The following SCHIP1 variants were observed in gnomAD, a reference collection of about 807,000 sequenced individuals.
SCHIP1 encodes the protein schwannomin-interacting protein 1.
SCHIP1 carries 8 observed loss-of-function variants against 29.7 expected under a neutral mutation model. The ratio of observed to expected loss-of-function variants is 0.27; its 90% CI spans 0.16 to 0.49. The LOEUF is 0.49. Among genes scored for constraint, SCHIP1 ranks in the 20% least tolerant of loss-of-function variants. The pLI, the probability that SCHIP1 is intolerant of heterozygous loss-of-function variation, is 0.99. For missense variants in SCHIP1, 193 were observed against 294.6 expected, an observed-to-expected ratio of 0.66 and a Z score of 2.52; for synonymous variants, 76 against 94.9, an observed-to-expected ratio of 0.80 and a Z score of 1.16.
chr3:159,651,265 T>C, the SCHIP1 span, among the ~76,000 whole-genome samples: 2 of 152,236 alleles, frequency 1.3e-5, no homozygotes, highest in African/African-American at 4.8e-5. Flanking sequence ...ATAGATACTT[T>C]GCTTTTGCTT....
At chr3:159,560,179 TCTTC>T in the SCHIP1 span, among the ~76,000 whole-genome samples, 1 of 152,198 alleles carries the variant, frequency 6.6e-6, no homozygotes. Flanking sequence ...GGCCAATTAT[TCTTC>T]CTTATCAATA....
At chr3:159,839,347 C>G (rs1197491333), upstream of SCHIP1, among the ~76,000 whole-genome samples, 1 of 150,430 alleles carries the variant, frequency 6.6e-6, no homozygotes, top group Non-Finnish European at 1.5e-5. Flanking sequence ...ATTATAGTGA[C>G]TTTAATATTT....
chr3:159,618,159 C>T, the SCHIP1 span, among the ~76,000 whole-genome samples: 2 of 152,182 alleles, frequency 1.3e-5, no homozygotes, highest in African/African-American at 2.4e-5. Flanking sequence ...GAAACTGAGG[C>T]TCAGAGTGGT....
the SCHIP1 span, among the ~76,000 whole-genome samples, chr3:159,615,398 T>C: frequency 1.3e-5 from 2 of 152,346 alleles, no homozygotes; most frequent in African/African-American, 2.4e-5. Flanking sequence ...TGGTTGTAAC[T>C]TGAACAGTAG....
chr3:159,725,457 C>T, the SCHIP1 span, among the ~76,000 whole-genome samples: 1 of 151,924 alleles, frequency 6.6e-6, no homozygotes, highest in South Asian at 2.1e-4. Context: ...TTAGTAGAGA[C>T]GGGGTTTCAT....
the SCHIP1 span, among the ~76,000 whole-genome samples, chr3:159,507,635 C>T: frequency 1.3e-5 from 2 of 152,166 alleles, no homozygotes; most frequent in African/African-American, 4.8e-5. Flanking sequence ...TTTTGAGATA[C>T]ATCCCATCAA....
the SCHIP1 span, among the ~76,000 whole-genome samples, chr3:159,727,285 T>A: frequency 6.6e-6 from 1 of 152,222 alleles, no homozygotes; most frequent in Non-Finnish European, 1.5e-5. Flanking sequence ...TCCTATTTTA[T>A]CTTCATCACA....
In SCHIP1 at chr3:159,861,142, C is replaced by T. The variant is rs541762290; in HGVS notation, c.31-5021C>T. Among the ~76,000 whole-genome samples, 36 of 152,252 alleles carry T rather than the reference C, an allele frequency of 2.4e-4. No homozygotes were observed. Among genetic ancestry groups the T allele is most frequent in the African/African-American group, 7.7e-4 (32 of 41,530 alleles). On this transcript the variant is annotated intron_variant, in intron 1 of 6. Transcript: ENST00000445224. This position sits in a 1 kb window ranked among gnomAD's most constrained non-coding sequence, Gnocchi z 4.1. ...ACCCAATCTTCCACTTGTAAATTTA[C>T]GTGCAGATTAGCATGCTGAAGGCTT...
the SCHIP1 span, among the ~76,000 whole-genome samples, chr3:159,674,436 T>C: frequency 6.6e-6 from 1 of 151,788 alleles, no homozygotes; most frequent in Non-Finnish European, 1.5e-5. Flanking sequence ...TAACTTCCAG[T>C]GTCTGCTGCT....
intron 2 of SCHIP1, among the ~76,000 whole-genome samples, chr3:159,867,269 C>T (rs1166883157): frequency 6.6e-6 from 1 of 152,124 alleles, no homozygotes; most frequent in Admixed American, 6.5e-5. Flanking sequence ...GTTATTTTAC[C>T]ATCTTAAGCT....
chr3:159,762,633 G>GA, the SCHIP1 span, among the ~76,000 whole-genome samples: 1 of 152,184 alleles, frequency 6.6e-6, no homozygotes, highest in Non-Finnish European at 1.5e-5. Context: ...TCACCACAGA[G>GA]AAAAGGGCAT....
At chr3:159,403,483 G>A in the SCHIP1 span, among the ~76,000 whole-genome samples, 3 of 152,202 alleles carry the variant, frequency 2.0e-5, no homozygotes, top group Admixed American at 2.0e-4. Context: ...TGTGCAATAG[G>A]GGAAGAGAGA....
the SCHIP1 span, among the ~76,000 whole-genome samples, chr3:159,627,025 C>T: frequency 1.3e-5 from 2 of 152,150 alleles, no homozygotes; most frequent in African/African-American, 4.8e-5. Flanking sequence ...AATGCTCTCC[C>T]TCCCTTTGCC....
chr3:159,438,524 G>T, the SCHIP1 span, among the ~76,000 whole-genome samples: 1 of 152,146 alleles, frequency 6.6e-6, no homozygotes, highest in Admixed American at 6.5e-5. Flanking sequence ...TGTAGGATGT[G>T]CAGGTTTATT....
chr3:159,571,532 A>C, the SCHIP1 span, among the ~76,000 whole-genome samples: 1 of 152,192 alleles, frequency 6.6e-6, no homozygotes, highest in Non-Finnish European at 1.5e-5. Context: ...TCGGTTTGCC[A>C]GTATTTTATT....
chr3:159,808,999 T>TA, the SCHIP1 span, among the ~76,000 whole-genome samples: 12 of 150,784 alleles, frequency 8.0e-5, no homozygotes, highest in African/African-American at 2.7e-4. Context: ...TTTTTTTTTT[T>TA]ATTATACTTT....
chr3:159,798,662 G>A, the SCHIP1 span, among the ~76,000 whole-genome samples: 1 of 152,030 alleles, frequency 6.6e-6, no homozygotes, highest in Non-Finnish European at 1.5e-5. Flanking sequence ...GGAGCCTGAG[G>A]CACGAGAATC....
chr3:159,713,032 G>A, the SCHIP1 span, among the ~76,000 whole-genome samples: 3 of 151,574 alleles, frequency 2.0e-5, no homozygotes, highest in Non-Finnish European at 2.9e-5. Flanking sequence ...GTGCATGCCT[G>A]TAATCCCAGC....
the SCHIP1 span, among the ~76,000 whole-genome samples, chr3:159,281,334 G>A: frequency 3.9e-5 from 6 of 152,256 alleles, no homozygotes; most frequent in African/African-American, 1.2e-4. Context: ...TAATTACACC[G>A]AAATATTCTA....
Sources: gnomAD v4.1 joint callset for allele counts (sites outside exome capture counted in the v4.1 genomes callset) on GRCh38, gnomAD v4.1.1 for gene constraint, Gnocchi (gnomAD v3.1) non-coding constraint, MANE v1.5 for transcripts, NCBI Gene and HGNC (gene_info 2026-07-23, HGNC 2026-07-21) for gene names.